Variants in DLGAP2 observed in about 807,000 individuals in gnomAD.
DLGAP2 encodes disks large-associated protein 2.
DLGAP2 carries 26 observed loss-of-function variants against 100.3 expected under a neutral mutation model. The observed-to-expected ratio is 0.26, with a 90% CI of 0.19 to 0.36. DLGAP2 has a LOEUF of 0.36. DLGAP2 is among the 10% of genes least tolerant of loss of function. The probability of loss-of-function intolerance (pLI) is 1.00; values close to 1 mark genes in which losing one functional copy is unlikely to be tolerated. For synonymous variants in DLGAP2, 886 were observed against 630.1 expected, an observed-to-expected ratio of 1.41 and a Z score of -6.08; for missense variants, 1,858 against 1,453.2, an observed-to-expected ratio of 1.28 and a Z score of -4.53.
intron 5 of DLGAP2, among the ~76,000 whole-genome samples, chr8:1,557,017 G>A (rs2956895): frequency 0.35 from 52,139 of 150,800 alleles, 9,685 homozygotes; most frequent in Admixed American, 0.47. Context: ...TGCACCCAGC[G>A]TTTCTCAAGC....
rs1040930006 is a variant in DLGAP2, at chr8:1,595,392, G to A, written c.1442+29498G>A. Among the ~76,000 whole-genome samples, 27 of 152,138 alleles carry A rather than the reference G, an allele frequency of 1.8e-4. 1 individual carries two copies. The highest frequency in any genetic ancestry group is 5.8e-4 in the East Asian group (3 of 5,178). ...GTCAAGAAATAGGTCGGCCGGGCGCGGTGGCTCACGCCTGTAATCCCAGCA... is the reference window on the plus strand; with the variant it reads ...GTCAAGAAATAGGTCGGCCGGGCGCAGTGGCTCACGCCTGTAATCCCAGCA... On this transcript the variant is annotated intron_variant, in intron 6 of 14. Coordinates refer to ENST00000637795, the MANE Select transcript of DLGAP2 (RefSeq NM_001346810.2).
At chr8:1,173,567 C>A (rs1000230731) in intron 2 of DLGAP2, among the ~76,000 whole-genome samples, 3 of 152,206 alleles carry the variant, frequency 2.0e-5, no homozygotes, top group African/African-American at 7.2e-5. Flanking sequence ...CTTTGTTTAC[C>A]TAAGCAAGCC....
At chr8:1,343,352 A>G (rs1801462979) in intron 3 of DLGAP2, among the ~76,000 whole-genome samples, 1 of 152,152 alleles carries the variant, frequency 6.6e-6, no homozygotes, top group Non-Finnish European at 1.5e-5. Flanking sequence ...ACATAGGACA[A>G]GACTCACAGA....
chr8:857,074 C>T (rs996163883), intron 1 of DLGAP2, among the ~76,000 whole-genome samples: 7 of 152,306 alleles, frequency 4.6e-5, no homozygotes, highest in Middle Eastern at 3.4e-3. Context: ...CACGTAAATA[C>T]AGCCAGCTGA....
intron 2 of DLGAP2, among the ~76,000 whole-genome samples, chr8:1,163,622 A>G (rs774042081): frequency 7.9e-5 from 12 of 152,220 alleles, no homozygotes; most frequent in Non-Finnish European, 1.5e-4. Context: ...CCGGAAGCGC[A>G]GGGCCCGGGA....
chr8:1,389,405 C>T (rs1014893553), intron 3 of DLGAP2, among the ~76,000 whole-genome samples: 6 of 151,828 alleles, frequency 4.0e-5, no homozygotes, highest in African/African-American at 1.5e-4. Flanking sequence ...GAGAAAGTGG[C>T]GAAGCTTGGA....
chr8:1,284,124 C>T (rs1327796159), intron 3 of DLGAP2, among the ~76,000 whole-genome samples: 1 of 152,184 alleles, frequency 6.6e-6, no homozygotes, highest in East Asian at 1.9e-4. Flanking sequence ...AGTGAGACAC[C>T]TCAGAGCATT....
chr8:771,541 T>C (rs1585845847), intron 1 of DLGAP2, among the ~76,000 whole-genome samples: 2 of 152,196 alleles, frequency 1.3e-5, no homozygotes, highest in East Asian at 1.9e-4. Flanking sequence ...CACCCAAAAT[T>C]TGTGGATTGC....
intron 1 of DLGAP2, among the ~76,000 whole-genome samples, chr8:743,168 A>T (rs1010634772): frequency 2.0e-5 from 3 of 152,208 alleles, no homozygotes; most frequent in African/African-American, 7.2e-5. Context: ...AAAAAATGCT[A>T]ATTAGAAAAT....
chr8:1,501,445 G>A lies in DLGAP2; in HGVS notation c.172+14G>A, dbSNP rs1368149655. 2.0e-5 allele frequency: 31 copies of A among 1,535,562 alleles called. No homozygotes were observed. The highest frequency in any genetic ancestry group is 7.1e-5 in the South Asian group (6 of 84,042). On this transcript the variant is annotated intron_variant, in intron 4 of 14. Coordinates refer to ENST00000637795, the MANE Select transcript of DLGAP2 (RefSeq NM_001346810.2). The stretch of plus-strand genomic sequence containing the variant: ...AGGAGGATCTAGGTAGAGTACAGAC[G>A]TCAGCCCCGCTCTGGCGGGGCCCGG...
chr8:1,495,236 C>G (rs1184968101), intron 3 of DLGAP2, among the ~76,000 whole-genome samples: 1 of 152,156 alleles, frequency 6.6e-6, no homozygotes, highest in Non-Finnish European at 1.5e-5. Context: ...AACCTGTGGC[C>G]TTCCCATTGC....
chr8:1,603,306 G>A (rs913884913), intron 6 of DLGAP2, among the ~76,000 whole-genome samples: 1 of 150,860 alleles, frequency 6.6e-6, no homozygotes, highest in African/African-American at 2.4e-5. Flanking sequence ...TGGAGGATGG[G>A]TCTCAGTTCT....
intron 2 of DLGAP2, among the ~76,000 whole-genome samples, chr8:1,096,252 C>T (rs1020575763): frequency 7.2e-5 from 11 of 152,242 alleles, no homozygotes; most frequent in African/African-American, 2.7e-4. Context: ...ACCTGGGCCA[C>T]TTATAAAATC....
intron 4 of DLGAP2, among the ~76,000 whole-genome samples, chr8:1,547,757 G>A (rs762825158): frequency 2.0e-5 from 3 of 152,160 alleles, no homozygotes; most frequent in African/African-American, 2.4e-5. Flanking sequence ...ATCACAGGCC[G>A]CAGAAGGACA....
intron 3 of DLGAP2, among the ~76,000 whole-genome samples, chr8:1,462,990 T>G (rs1170693878): frequency 6.6e-6 from 1 of 152,184 alleles, no homozygotes; most frequent in Non-Finnish European, 1.5e-5. Flanking sequence ...GGCTCACGCC[T>G]GTAATCCCAG....
At chr8:1,080,859 C>T (rs905463109) in intron 2 of DLGAP2, among the ~76,000 whole-genome samples, 1 of 152,192 alleles carries the variant, frequency 6.6e-6, no homozygotes, top group African/African-American at 2.4e-5. Flanking sequence ...TCATACTGGA[C>T]ATTTACTGTA....
chr8:1,028,560 C>T lies in DLGAP2; in HGVS notation c.73+120594C>T, dbSNP rs75471979. 5.1e-3 allele frequency among the ~76,000 whole-genome samples: 779 copies of T among 152,308 alleles called. 5 individuals are homozygous for T. Among genetic ancestry groups the T allele is most frequent in the Non-Finnish European group, 8.7e-3 (595 of 68,028 alleles). ...TTCTCCAGGTGCAGTGCCAGGTGCC[C>T]GTGATGCTCCAGATGTGCCAGGCGT... On this transcript the variant is annotated intron_variant, in intron 2 of 14. Coordinates refer to ENST00000637795, the MANE Select transcript of DLGAP2 (RefSeq NM_001346810.2).
intron 3 of DLGAP2, among the ~76,000 whole-genome samples, chr8:1,329,096 G>A (rs138966908): frequency 1.9e-4 from 29 of 152,142 alleles, no homozygotes; most frequent in Non-Finnish European, 3.5e-4. Context: ...GACAAGCGAC[G>A]AGTGGGAAGA....
At chr8:1,275,715 C>T (rs1585214714) in intron 3 of DLGAP2, among the ~76,000 whole-genome samples, 1 of 128,226 alleles carries the variant, frequency 7.8e-6, no homozygotes, top group African/African-American at 3.0e-5. Flanking sequence ...GCTAATAGGA[C>T]ATATATATAT....
Sources: gnomAD v4.1 joint callset for allele counts (sites outside exome capture counted in the v4.1 genomes callset) on GRCh38, gnomAD v4.1.1 for gene constraint, MANE v1.5 for transcripts, NCBI Gene and HGNC (gene_info 2026-07-23, HGNC 2026-07-21) for gene names.